The following SLC35D2 variants were observed in gnomAD, a reference collection of about 807,000 sequenced individuals.
The protein encoded by SLC35D2 is solute carrier family 35 member D2.
In SLC35D2, 43 loss-of-function variants were observed where a neutral mutation model predicts 41.8. The observed-to-expected ratio is 1.03, with a 90% CI of 0.81 to 1.33. The LOEUF (loss-of-function observed/expected upper bound fraction) is 1.33. Ranked by LOEUF, SLC35D2 falls within the 40% of genes most tolerant of loss-of-function variation. The probability of loss-of-function intolerance (pLI) is 0.00; values close to 1 mark genes in which losing one functional copy is unlikely to be tolerated. For synonymous variants in SLC35D2, 150 were observed against 163.9 expected (o/e 0.92, Z 0.65); for missense variants, 380 against 408.4 (o/e 0.93, Z 0.60).
chr9:96,329,934 G>A (rs1828732767), intron 9 of SLC35D2, among the ~76,000 whole-genome samples: 1 of 152,232 alleles, frequency 6.6e-6, no homozygotes, highest in South Asian at 2.1e-4. Flanking sequence ...CCACAATTAT[G>A]GAGGCTAAAA....
intron 11 of SLC35D2, among the ~76,000 whole-genome samples, chr9:96,315,434 C>T (rs974914192): frequency 8.3e-5 from 11 of 132,020 alleles, no homozygotes; most frequent in Non-Finnish European, 1.7e-4. Flanking sequence ...CCTTCACAGA[C>T]TTTTTTTTTT....
intron 8 of SLC35D2, among the ~76,000 whole-genome samples, chr9:96,337,336 C>T (rs987020461): frequency 1.3e-5 from 2 of 152,022 alleles, no homozygotes; most frequent in Admixed American, 6.6e-5. Context: ...ACCTCAGTCT[C>T]CTGAGTAGCT....
chr9:96,376,278 G>A (rs1294976562), intron 1 of SLC35D2, among the ~76,000 whole-genome samples: 1 of 129,998 alleles, frequency 7.7e-6, no homozygotes, highest in African/African-American at 3.0e-5. Context: ...CCAGGTGACA[G>A]AGTGAGACTC....
chr9:96,335,048 A>G (rs1828987993), intron 9 of SLC35D2, among the ~76,000 whole-genome samples: 1 of 152,248 alleles, frequency 6.6e-6, no homozygotes, highest in African/African-American at 2.4e-5. Context: ...ATTGAAATCA[A>G]GTTTGAGAAT....
In SLC35D2 at chr9:96,364,707, T is replaced by C. The variant is rs574994890; in HGVS notation, c.193-157A>G. On this transcript the variant is annotated intron_variant, in intron 2 of 11. Coordinates refer to ENST00000253270, the MANE Select transcript of SLC35D2 (RefSeq NM_007001.3). ...AAAAAATAACTATTTCTTAGAATATTAACATTGTTTTCCTTGCCACAGTAC... is the reference window on the plus strand; with the variant it reads ...AAAAAATAACTATTTCTTAGAATATCAACATTGTTTTCCTTGCCACAGTAC... Among the ~76,000 whole-genome samples, 7 of 152,224 alleles carry C rather than the reference T, an allele frequency of 4.6e-5. No individual in the cohort carries two copies. In the East Asian group the frequency reaches 1.4e-3, roughly 29 times the overall value.
intron 8 of SLC35D2, among the ~76,000 whole-genome samples, chr9:96,340,444 C>T (rs753881020): frequency 9.9e-5 from 15 of 151,562 alleles, no homozygotes; most frequent in Non-Finnish European, 1.5e-4. Context: ...TGGTGAAACC[C>T]TATCTTTACT....
chr9:96,382,913 C>A (rs1348967467), intron 1 of SLC35D2, among the ~76,000 whole-genome samples: 7 of 152,072 alleles, frequency 4.6e-5, no homozygotes, highest in Non-Finnish European at 5.9e-5. Flanking sequence ...TTCTCAGTGC[C>A]GCTACAATGG....
intron 1 of SLC35D2, among the ~76,000 whole-genome samples, chr9:96,374,843 CA>C (rs1179481303): frequency 0.069 from 7,370 of 107,414 alleles, 441 homozygotes; most frequent in African/African-American, 0.19. Flanking sequence ...CACTCCGCCT[CA>C]AAAAAAAAAA....
chr9:96,343,061 A>G (rs1004454478), intron 8 of SLC35D2, among the ~76,000 whole-genome samples: 9 of 152,156 alleles, frequency 5.9e-5, no homozygotes, highest in African/African-American at 2.2e-4. Context: ...TGCCCATCGC[A>G]TCTCGTTTCT....
chr9:96,348,457 C>T (rs1446787311), intron 6 of SLC35D2, among the ~76,000 whole-genome samples: 3 of 152,276 alleles, frequency 2.0e-5, no homozygotes, highest in African/African-American at 4.8e-5. Flanking sequence ...GCGTGGATGG[C>T]GTGGATGGGG....
At chr9:96,346,451 A>G (rs1289640516) in intron 6 of SLC35D2, among the ~76,000 whole-genome samples, 1 of 152,200 alleles carries the variant, frequency 6.6e-6, no homozygotes, top group Non-Finnish European at 1.5e-5. Flanking sequence ...GTCCAGTGAT[A>G]GGAATTGCTC....
rs1335791975 is a variant in SLC35D2 at position 96,321,333 on chromosome 9, C to T, written c.923G>A (p.Gly308Glu). The change falls in exon 12 of 12, where the codon GGG becomes GAG. Residue 308 changes from glycine to glutamate, a missense_variant. Transcript: ENST00000253270. The stretch of plus-strand genomic sequence containing the variant: ...TGTTAAAAAGGAATATCTCAAGCCC[C>T]CTGCCATGCTGAAAGGAGAAAAAAA... ...NFVGLNICMA[G>E]GLRYSFLTLS... The T allele has an allele frequency of 4.3e-6, 7 of 1,613,060 alleles. No individual in the cohort carries two copies. Among genetic ancestry groups the T allele is most frequent in the Non-Finnish European group, 5.9e-6 (7 of 1,179,358 alleles).
At chr9:96,368,437 AT>A (rs1830557434) in intron 1 of SLC35D2, 132 bp from the exon 2 acceptor site, 6 of 792,300 alleles carry the variant, frequency 7.6e-6, no homozygotes, top group Non-Finnish European at 1.2e-5. Context: ...TTTTCATTTA[AT>A]TCTTTTTTTT....
intron 4 of SLC35D2, among the ~76,000 whole-genome samples, chr9:96,358,105 T>TATATATATATATATATAC (rs546410635): frequency 3.5e-5 from 5 of 143,514 alleles, no homozygotes; most frequent in Admixed American, 7.0e-5. Flanking sequence ...TATATATATA[T>TATATATATATATATATAC]ATACCTGCAA....
chr9:96,360,487 G>A (rs1254291807), intron 3 of SLC35D2, among the ~76,000 whole-genome samples: 1 of 151,438 alleles, frequency 6.6e-6, no homozygotes, highest in Non-Finnish European at 1.5e-5. Flanking sequence ...AAATTAATTG[G>A]GCATGGTGGC....
Position 96,352,128 on chromosome 9 carries a change from A to C in SLC35D2, c.348-19T>G. On this transcript the variant is annotated intron_variant, in intron 4 of 11. Coordinates refer to ENST00000253270, the MANE Select transcript of SLC35D2 (RefSeq NM_007001.3). ...CGGTAGGCTGCCAGGAAAAGAGTGA[A>C]GCATGTCAGACACCAAGGGTTGGTT... 2 of 1,582,828 alleles carry C rather than the reference A, an allele frequency of 1.3e-6. No individual in the cohort carries two copies. Among genetic ancestry groups the C allele is most frequent in the East Asian group, 2.2e-5 (1 of 44,592 alleles).
At chr9:96,350,264 G>A (rs1186313679) in intron 6 of SLC35D2, among the ~76,000 whole-genome samples, 1 of 151,200 alleles carries the variant, frequency 6.6e-6, no homozygotes, top group East Asian at 1.9e-4. Flanking sequence ...TCAAACTCCT[G>A]GGCCCAAGAG....
chr9:96,368,714 T>C (rs892288957), intron 1 of SLC35D2, among the ~76,000 whole-genome samples: 1 of 148,998 alleles, frequency 6.7e-6, no homozygotes, highest in Non-Finnish European at 1.5e-5. Context: ...ATTATATATA[T>C]ATTATATATA....
intron 9 of SLC35D2, among the ~76,000 whole-genome samples, chr9:96,327,330 T>TC (rs1828583645): frequency 6.6e-6 from 1 of 152,174 alleles, no homozygotes; most frequent in African/African-American, 2.4e-5. Flanking sequence ...CAAGTGATCC[T>TC]CCCGCCTGTC....
Sources: allele counts gnomAD v4.1 joint callset (sites outside exome capture counted in the v4.1 genomes callset), GRCh38; gene constraint gnomAD v4.1.1; transcripts MANE v1.5; gene names NCBI Gene and HGNC (gene_info 2026-07-23, HGNC 2026-07-21).